The following SOS2 variants were observed in gnomAD, a reference collection of about 807,000 sequenced individuals.
SOS2 encodes SOS Ras/Rho guanine nucleotide exchange factor 2, also known as son of sevenless homolog 2.
SOS2 carries 65 observed loss-of-function variants against 148.2 expected under a neutral mutation model. The observed-to-expected ratio is 0.44, with a 90% CI of 0.36 to 0.54. The LOEUF is 0.54. Among genes scored for constraint, SOS2 ranks in the 20% least tolerant of loss-of-function variants. SOS2 has a pLI of 0.00. For synonymous variants in SOS2, 539 were observed against 537.1 expected (o/e 1.00, Z -0.05); for missense variants, 1,341 against 1,590.2 (o/e 0.84, Z 2.67).
At chr14:50,219,756 C>T (rs546581629) in intron 1 of SOS2, among the ~76,000 whole-genome samples, 1 of 152,230 alleles carries the variant, frequency 6.6e-6, no homozygotes, top group South Asian at 2.1e-4. Context: ...TCTAAGGCAA[C>T]ATTTTTCTAA....
chr14:50,130,014 A>G lies in SOS2; in HGVS notation c.3338-12T>C, dbSNP rs1712567828. 1 of 1,567,206 alleles carries G rather than the reference A, an allele frequency of 6.4e-7. No homozygotes were observed. Among genetic ancestry groups the G allele is most frequent in the Non-Finnish European group, 8.7e-7 (1 of 1,143,684 alleles). ...GATGCTATTGCTGCCTATTGGAATA[A>G]GAAAAATTAATTTGAAAAGGAAGGT... On this transcript the variant is annotated splice_polypyrimidine_tract_variant and intron_variant, in intron 20 of 22. Coordinates refer to ENST00000216373, the MANE Select transcript of SOS2 (RefSeq NM_006939.4).
chr14:50,131,320 T>A (rs760574286), intron 19 of SOS2, among the ~76,000 whole-genome samples: 1 of 152,174 alleles, frequency 6.6e-6, no homozygotes, highest in Non-Finnish European at 1.5e-5. Flanking sequence ...AAAACTTGAG[T>A]TAAGATCTCA....
chr14:50,173,514 C>T (rs1186229249), intron 8 of SOS2, among the ~76,000 whole-genome samples: 1 of 151,710 alleles, frequency 6.6e-6, no homozygotes, highest in Non-Finnish European at 1.5e-5. Flanking sequence ...CTCCGTCTCC[C>T]GGGTTCACAC....
chr14:50,172,237 G>A (rs1885387702), intron 8 of SOS2, among the ~76,000 whole-genome samples: 1 of 152,002 alleles, frequency 6.6e-6, no homozygotes, highest in Non-Finnish European at 1.5e-5. Flanking sequence ...TGGATATCCT[G>A]TTTTGTGAAG....
chr14:50,195,462 T>TA lies in SOS2; in HGVS notation c.510+4228dup, dbSNP rs778370502. The stretch of plus-strand genomic sequence containing the variant: ...TGCTTCAAATAAAGGAATGACTTAT[T>TA]AAAAAAAAATAGTTTATGGCCTGGT... On this transcript the variant is annotated intron_variant, in intron 4 of 22. Transcript: ENST00000216373. 2.6e-3 allele frequency among the ~76,000 whole-genome samples: 395 copies of TA among 151,290 alleles called. 1 individual carries two copies. Among genetic ancestry groups the TA allele is most frequent in the South Asian group, 0.014 (67 of 4,774 alleles).
At chr14:50,142,942 C>T (rs1478612464) in intron 16 of SOS2, among the ~76,000 whole-genome samples, 1 of 152,070 alleles carries the variant, frequency 6.6e-6, no homozygotes, top group Non-Finnish European at 1.5e-5. Flanking sequence ...GAGTTTCTAA[C>T]TTGTTATCCT....
intron 10 of SOS2, among the ~76,000 whole-genome samples, 197 bp downstream of exon 10, chr14:50,159,234 T>G (rs762272883): frequency 1.3e-5 from 2 of 152,174 alleles, no homozygotes; most frequent in Non-Finnish European, 2.9e-5. Context: ...GAATATTTAT[T>G]CAATAATTAA....
chr14:50,180,348 T>C (rs1054187635), intron 7 of SOS2, among the ~76,000 whole-genome samples: 2 of 146,146 alleles, frequency 1.4e-5, no homozygotes, highest in Admixed American at 1.4e-4. Flanking sequence ...CAAATTCTTC[T>C]GGTCATTCAG....
intron 8 of SOS2, among the ~76,000 whole-genome samples, chr14:50,169,642 AAAAC>A (rs776516129): frequency 1.4e-4 from 22 of 152,290 alleles, no homozygotes; most frequent in South Asian, 1.2e-3. Context: ...CGTGCCTCAA[AAAAC>A]AAACAAAGTA....
At chr14:50,229,250 T>A (rs540734426) in intron 1 of SOS2, among the ~76,000 whole-genome samples, 9 of 152,278 alleles carry the variant, frequency 5.9e-5, no homozygotes, top group East Asian at 1.9e-4. Context: ...TATAAAAAAA[T>A]TTTCCATACG....
At chr14:50,223,936 G>A (rs979537508) in intron 1 of SOS2, among the ~76,000 whole-genome samples, 4 of 152,046 alleles carry the variant, frequency 2.6e-5, no homozygotes, top group East Asian at 1.9e-4. Context: ...TAGATTATAC[G>A]TGAAGCAATG....
rs75480759 is a variant in SOS2, at chr14:50,120,427, A to G, written c.3380-43T>C. ...TAGTTTAACCACAATTCACAGTATA[A>G]GATAAACCTTTATCACAATTTGTGA... On this transcript the variant is annotated intron_variant, in intron 21 of 22. Transcript: ENST00000216373. The G allele has an allele frequency of 8.4e-4, 755 of 899,468 alleles. 4 individuals carry two copies. In the African/African-American group the frequency reaches 0.011, roughly 13 times the overall value. 55.7% of individuals were successfully genotyped at this position (899,468 alleles called of 1,614,324 possible).
chr14:50,171,555 G>C (rs891054059), intron 8 of SOS2, among the ~76,000 whole-genome samples: 15 of 151,852 alleles, frequency 9.9e-5, no homozygotes, highest in African/African-American at 3.6e-4. Flanking sequence ...ATGGTGACAT[G>C]CACCTGTAGT....
At chr14:50,213,806 G>A (rs1886960922) in intron 1 of SOS2, among the ~76,000 whole-genome samples, 1 of 151,604 alleles carries the variant, frequency 6.6e-6, no homozygotes, top group South Asian at 2.1e-4. Flanking sequence ...TGTGGTTGGA[G>A]GGGAATGTAT....
chr14:50,133,761 T>C (rs1317621866), intron 19 of SOS2, among the ~76,000 whole-genome samples: 1 of 152,200 alleles, frequency 6.6e-6, no homozygotes, highest in African/African-American at 2.4e-5. Context: ...GGAGCCCTAA[T>C]GGCAGAAGTC....
At chr14:50,173,038 G>A (rs1360500289) in intron 8 of SOS2, among the ~76,000 whole-genome samples, 1 of 151,878 alleles carries the variant, frequency 6.6e-6, no homozygotes, top group East Asian at 1.9e-4. Flanking sequence ...GTCTTGCTAT[G>A]TTGCTCAGGC....
intron 1 of SOS2, among the ~76,000 whole-genome samples, chr14:50,208,961 T>C (rs1886767144): frequency 6.6e-6 from 1 of 152,042 alleles, no homozygotes; most frequent in Non-Finnish European, 1.5e-5. Flanking sequence ...AGATTAACAT[T>C]TGAGTTGGTA....
chr14:50,123,498 C>T (rs887469765), intron 21 of SOS2, among the ~76,000 whole-genome samples: 42 of 149,502 alleles, frequency 2.8e-4, no homozygotes, highest in African/African-American at 1.0e-3. Context: ...TCTCCTGCTT[C>T]AGCCTCCTGA....
rs751422197 is a variant in SOS2, at chr14:50,132,379, G to T, written c.3076-1617C>A. 1.1e-3 allele frequency among the ~76,000 whole-genome samples: 85 copies of T among 75,952 alleles called. No homozygotes were observed. In the Middle Eastern group the frequency reaches 0.057, roughly 51 times the overall value. 49.8% of individuals were successfully genotyped at this position (75,952 alleles called of 152,430 possible). Reference sequence around the variant, plus strand: ...TAAAAAAAAAAAAAAAAAAAAAAAAGGCTGGGCATGGTGGCTCACACCTGT... The same window carrying T: ...TAAAAAAAAAAAAAAAAAAAAAAAATGCTGGGCATGGTGGCTCACACCTGT... On this transcript the variant is annotated intron_variant, in intron 19 of 22. Transcript: ENST00000216373.
Sources: gnomAD v4.1 joint callset for allele counts (sites outside exome capture counted in the v4.1 genomes callset) on GRCh38, gnomAD v4.1.1 for gene constraint, MANE v1.5 for transcripts, NCBI Gene and HGNC (gene_info 2026-07-23, HGNC 2026-07-21) for gene names.